Variants in PARD3 observed in about 807,000 individuals in gnomAD.
PARD3 encodes the protein par-3 family cell polarity regulator.
In PARD3, 75 loss-of-function variants were observed where a neutral mutation model predicts 155.4. That is an observed-to-expected ratio of 0.48 (90% confidence interval 0.40 to 0.58). PARD3 has a LOEUF of 0.58. Ranked by LOEUF, PARD3 falls within the 20% of genes least tolerant of loss-of-function variation. PARD3 has a pLI of 0.00. For missense variants in PARD3, 1,642 were observed against 1,721.7 expected (o/e 0.95, Z 0.82); for synonymous variants, 576 against 610.5 (o/e 0.94, Z 0.83).
intron 1 of PARD3, among the ~76,000 whole-genome samples, chr10:34,790,078 G>A (rs1377896308): frequency 2.6e-5 from 4 of 152,062 alleles, no homozygotes; most frequent in African/African-American, 9.7e-5. Flanking sequence ...GTCATGTTCT[G>A]GGTTAATTAT....
At chr10:34,529,306 T>A (rs976624618) in intron 2 of PARD3, among the ~76,000 whole-genome samples, 1 of 152,188 alleles carries the variant, frequency 6.6e-6, no homozygotes, top group Admixed American at 6.5e-5. Context: ...CCAAACCACT[T>A]TCAAAGGATT....
intron 4 of PARD3, among the ~76,000 whole-genome samples, chr10:34,467,488 T>A (rs1385409386): frequency 6.6e-6 from 1 of 152,008 alleles, no homozygotes; most frequent in Non-Finnish European, 1.5e-5. Flanking sequence ...GTGGCTCATG[T>A]CTGTAATTCC....
intron 22 of PARD3, among the ~76,000 whole-genome samples, chr10:34,161,841 C>G (rs961794257): frequency 6.6e-6 from 1 of 152,158 alleles, no homozygotes; most frequent in South Asian, 2.1e-4. Context: ...CAAGTGCCCA[C>G]TCAATTCCAT....
chr10:34,489,315 G>A (rs2079715561), intron 3 of PARD3, among the ~76,000 whole-genome samples: 1 of 152,158 alleles, frequency 6.6e-6, no homozygotes, highest in African/African-American at 2.4e-5. Context: ...GTGAGGACAG[G>A]ACAAAGCATA....
At chr10:34,206,310 A>G (rs937277621) in intron 22 of PARD3, among the ~76,000 whole-genome samples, 1 of 152,204 alleles carries the variant, frequency 6.6e-6, no homozygotes, top group Non-Finnish European at 1.5e-5. Flanking sequence ...AAACCAGACT[A>G]CAGGTCTCAG....
chr10:34,697,771 T>TCACACA (rs145318885), intron 1 of PARD3, among the ~76,000 whole-genome samples: 10 of 150,308 alleles, frequency 6.7e-5, no homozygotes, highest in African/African-American at 2.2e-4. Flanking sequence ...AAACAAACAC[T>TCACACA]CACACACACA....
At chr10:34,312,260 A>C in intron 20 of PARD3, 1 of 1,600,676 alleles carries the variant, frequency 6.2e-7, no homozygotes, top group South Asian at 1.1e-5. Flanking sequence ...AGCCACTAAG[A>C]ATTCATTAAA....
chr10:34,241,063 A>C (rs1953558402), intron 22 of PARD3, among the ~76,000 whole-genome samples: 1 of 152,164 alleles, frequency 6.6e-6, no homozygotes, highest in Non-Finnish European at 1.5e-5. Flanking sequence ...CAGAATCAGA[A>C]ATAGAAAAAC....
intron 1 of PARD3, among the ~76,000 whole-genome samples, chr10:34,756,526 C>A (rs1437874619): frequency 7.5e-6 from 1 of 133,420 alleles, no homozygotes; most frequent in South Asian, 2.4e-4. Flanking sequence ...TAGGCTGTGG[C>A]GTAGTGGTAG....
intron 2 of PARD3, among the ~76,000 whole-genome samples, chr10:34,652,588 G>A (rs570620399): frequency 5.9e-5 from 9 of 152,222 alleles, no homozygotes; most frequent in South Asian, 2.1e-4. Context: ...GCATAGATAC[G>A]GATGGATCGG....
chr10:34,233,017 A>ATT (rs3039283), intron 22 of PARD3, among the ~76,000 whole-genome samples: 2,581 of 96,086 alleles, frequency 0.027, 142 homozygotes, highest in Non-Finnish European at 0.036. Flanking sequence ...TCAAATGTTA[A>ATT]TTTTTTTTTT....
At chr10:34,554,272 A>G (rs1387868730) in intron 2 of PARD3, among the ~76,000 whole-genome samples, 1 of 152,238 alleles carries the variant, frequency 6.6e-6, no homozygotes, top group Admixed American at 6.5e-5. Flanking sequence ...CCTGTTTAAA[A>G]TTCAGTAAAT....
At chr10:34,113,173 G>A (rs1946478908) in intron 24 of PARD3, among the ~76,000 whole-genome samples, 1 of 152,176 alleles carries the variant, frequency 6.6e-6, no homozygotes, top group Admixed American at 6.5e-5. Flanking sequence ...GAAATAGGCT[G>A]CAGACATTTC....
At chr10:34,348,941 A>G (rs555083014) in intron 14 of PARD3, among the ~76,000 whole-genome samples, 11 of 152,334 alleles carry the variant, frequency 7.2e-5, no homozygotes, top group African/African-American at 2.2e-4. Context: ...TATTTTACAT[A>G]AAAATAATAT....
rs2090413500 is a variant in PARD3, at chr10:34,606,183, TGTGTGTGTGTGTGTGTGTGTGTGTG to T, written c.223-89049_223-89025del. On this transcript the variant is annotated intron_variant, in intron 2 of 24. Coordinates refer to ENST00000374788, the MANE Select transcript of PARD3 (RefSeq NM_001184785.2). ...GTGTGTGTGTGTGTGTGTGTGTGTGTGTGTGTGTGTGTGTGTGTGTGTGTGTGTAGTTCTGTCCCTTTAATAGAAC... is the reference window on the plus strand; with the variant it reads ...GTGTGTGTGTGTGTGTGTGTGTGTGTTGTAGTTCTGTCCCTTTAATAGAAC... Among the ~76,000 whole-genome samples the T allele has an allele frequency of 2.6e-5, 2 of 75,776 alleles. 1 individual carries two copies. Among genetic ancestry groups the T allele is most frequent in the East Asian group, 1.1e-3 (2 of 1,892 alleles). 49.7% of individuals were successfully genotyped at this position (75,776 alleles called of 152,430 possible).
intron 19 of PARD3, among the ~76,000 whole-genome samples, chr10:34,318,143 A>G (rs946504032): frequency 6.6e-6 from 1 of 152,216 alleles, no homozygotes; most frequent in African/African-American, 2.4e-5. Flanking sequence ...CACATGGTCC[A>G]AGGGCACTTC....
intron 4 of PARD3, among the ~76,000 whole-genome samples, chr10:34,452,000 A>G (rs2077088545): frequency 2.0e-5 from 3 of 152,310 alleles, no homozygotes; most frequent in Admixed American, 6.5e-5. Flanking sequence ...AGAAATTCAG[A>G]TAAGTCATAA....
intron 21 of PARD3, among the ~76,000 whole-genome samples, chr10:34,282,934 A>T (rs1315919928): frequency 6.6e-6 from 1 of 152,118 alleles, no homozygotes; most frequent in African/African-American, 2.4e-5. Flanking sequence ...ATGATTTTTT[A>T]AAAATAAAAA....
At chr10:34,314,193 G>GAAA (rs34617785) in intron 20 of PARD3, among the ~76,000 whole-genome samples, 4 of 143,540 alleles carry the variant, frequency 2.8e-5, no homozygotes, top group Non-Finnish European at 4.6e-5. Flanking sequence ...GTTGTTAGGA[G>GAAA]AAAAAAAAAA....
Sources: gnomAD v4.1 joint callset for allele counts (sites outside exome capture counted in the v4.1 genomes callset) on GRCh38, gnomAD v4.1.1 for gene constraint, MANE v1.5 for transcripts, NCBI Gene and HGNC (gene_info 2026-07-23, HGNC 2026-07-21) for gene names.